ENOX1: variants seen among roughly 807,000 people sequenced by gnomAD.
The protein encoded by ENOX1 is ecto-NOX disulfide-thiol exchanger 1, also known as candidate growth-related and time keeping constitutive hydroquinone (NADH) oxidase.
Under a neutral mutation model 82.5 loss-of-function variants are expected in ENOX1, and 42 were observed. The ratio of observed to expected loss-of-function variants is 0.51; its 90% confidence interval spans 0.40 to 0.66. The LOEUF (loss-of-function observed/expected upper bound fraction) is 0.66. Ranked by LOEUF, ENOX1 falls within the 30% of genes least tolerant of loss-of-function variation. The probability of loss-of-function intolerance (pLI) is 0.00; values close to 1 mark genes in which losing one functional copy is unlikely to be tolerated. For synonymous variants in ENOX1, 271 were observed against 282.2 expected (o/e 0.96, Z 0.40); for missense variants, 608 against 811.6 (o/e 0.75, Z 3.05).
chr13:43,661,233 A>G (rs768922495), intron 2 of ENOX1, among the ~76,000 whole-genome samples: 3 of 152,222 alleles, frequency 2.0e-5, no homozygotes, highest in Non-Finnish European at 4.4e-5. Context: ...GTGCAGTTTT[A>G]AGGACTATAT....
intron 15 of ENOX1, among the ~76,000 whole-genome samples, chr13:43,226,199 A>C (rs2042015642): frequency 6.6e-6 from 1 of 152,240 alleles, no homozygotes; most frequent in Non-Finnish European, 1.5e-5. Context: ...ATAAAAGCTC[A>C]GGAGTGATTT....
intron 1 of ENOX1, among the ~76,000 whole-genome samples, chr13:43,771,100 C>T (rs1951567453): frequency 1.3e-5 from 2 of 152,096 alleles, no homozygotes; most frequent in African/African-American, 4.8e-5. Context: ...AAGTGTCTTT[C>T]CAGAAGAGTG....
chr13:43,713,109 GT>G (rs1401885141), intron 1 of ENOX1, among the ~76,000 whole-genome samples: 1 of 152,142 alleles, frequency 6.6e-6, no homozygotes, highest in African/African-American at 2.4e-5. Flanking sequence ...TTTATTGAGA[GT>G]TTTTAGCATG....
chr13:43,418,983 G>A (rs1332436847), intron 3 of ENOX1, among the ~76,000 whole-genome samples: 1 of 152,114 alleles, frequency 6.6e-6, no homozygotes, highest in Non-Finnish European at 1.5e-5. Flanking sequence ...TTTGAGACCA[G>A]CCTGGCCAAT....
At chr13:43,684,702 T>G (rs1449521874) in intron 1 of ENOX1, among the ~76,000 whole-genome samples, 1 of 152,180 alleles carries the variant, frequency 6.6e-6, no homozygotes, top group African/African-American at 2.4e-5. Flanking sequence ...TGTTTACATT[T>G]ACCACAGAGA....
chr13:43,715,041 G>A (rs909257177), intron 1 of ENOX1, among the ~76,000 whole-genome samples: 2 of 152,164 alleles, frequency 1.3e-5, no homozygotes, highest in African/African-American at 4.8e-5. Flanking sequence ...TTTTGCAGTG[G>A]CTGGTACCGG....
At chr13:43,496,488 C>G (rs2076797881) in intron 2 of ENOX1, among the ~76,000 whole-genome samples, 7 of 151,926 alleles carry the variant, frequency 4.6e-5, no homozygotes, top group Admixed American at 4.6e-4. Flanking sequence ...TGGGTTCAAG[C>G]AATCCTGCCT....
intron 2 of ENOX1, among the ~76,000 whole-genome samples, chr13:43,654,504 T>C (rs1175896522): frequency 6.6e-6 from 1 of 152,228 alleles, no homozygotes; most frequent in African/African-American, 2.4e-5. Context: ...ATTTTCAGTG[T>C]AGAACTAAAA....
chr13:43,699,791 T>C (rs992895238), intron 1 of ENOX1, among the ~76,000 whole-genome samples: 3 of 152,200 alleles, frequency 2.0e-5, no homozygotes, highest in Admixed American at 6.5e-5. Context: ...CAATCACTTA[T>C]TTGGCTTATT....
intron 5 of ENOX1, among the ~76,000 whole-genome samples, chr13:43,364,950 C>T (rs1307826141): frequency 6.6e-6 from 1 of 152,156 alleles, no homozygotes; most frequent in South Asian, 2.1e-4. Flanking sequence ...TGGTGTGCAT[C>T]TGGCAGTGTG....
intron 5 of ENOX1, among the ~76,000 whole-genome samples, chr13:43,393,226 A>C (rs1341752423): frequency 6.6e-6 from 1 of 152,202 alleles, no homozygotes; most frequent in Non-Finnish European, 1.5e-5. Flanking sequence ...ATTCCAAGAA[A>C]CTTAAGTATT....
chr13:43,474,616 C>T (rs2058204546), intron 3 of ENOX1, among the ~76,000 whole-genome samples: 1 of 151,616 alleles, frequency 6.6e-6, no homozygotes, highest in South Asian at 2.1e-4. Flanking sequence ...AACGAAGTTG[C>T]TGATTCCTCT....
chr13:43,265,310 T>G (rs377717546), intron 14 of ENOX1, 88 bp downstream of exon 14: 3 of 1,130,208 alleles, frequency 2.7e-6, no homozygotes, highest in African/African-American at 3.2e-5. Flanking sequence ...GCTTCTGATT[T>G]CCTTTATGTG....
chr13:43,731,913 C>A (rs1359189215), intron 1 of ENOX1, among the ~76,000 whole-genome samples: 2 of 152,154 alleles, frequency 1.3e-5, no homozygotes, highest in East Asian at 3.9e-4. Flanking sequence ...TGCCCCTGGG[C>A]TTGTAATCTA....
intron 3 of ENOX1, among the ~76,000 whole-genome samples, chr13:43,456,245 T>C (rs1463561372): frequency 1.3e-5 from 2 of 152,112 alleles, no homozygotes; most frequent in African/African-American, 2.4e-5. Flanking sequence ...TTCTCTGTTT[T>C]GATCTCTATA....
intron 5 of ENOX1, among the ~76,000 whole-genome samples, chr13:43,364,503 G>A (rs1275287500): frequency 6.6e-6 from 1 of 152,136 alleles, no homozygotes; most frequent in Non-Finnish European, 1.5e-5. Flanking sequence ...CCAAGGCTCG[G>A]CAAAGGTTTC....
intron 2 of ENOX1, chr13:43,547,197 T>C (rs572484785): frequency 3.4e-4 from 52 of 152,334 alleles, no homozygotes; most frequent in African/African-American, 1.2e-3. Flanking sequence ...CTGGGGAAGA[T>C]GGCTCTTGAG....
At chr13:43,568,595 A>G (rs1008636559) in intron 2 of ENOX1, among the ~76,000 whole-genome samples, 1 of 152,140 alleles carries the variant, frequency 6.6e-6, no homozygotes, top group African/African-American at 2.4e-5. Context: ...AGCAATGCAA[A>G]TAAGAAATAA....
At chr13:43,440,742 A>G (rs1054878368) in intron 3 of ENOX1, among the ~76,000 whole-genome samples, 1 of 152,212 alleles carries the variant, frequency 6.6e-6, no homozygotes, top group Non-Finnish European at 1.5e-5. Flanking sequence ...TTATCCAGGT[A>G]AATTTATACA....
Sources: gnomAD v4.1 joint callset for allele counts (sites outside exome capture counted in the v4.1 genomes callset) on GRCh38, gnomAD v4.1.1 for gene constraint, MANE v1.5 for transcripts, NCBI Gene and HGNC (gene_info 2026-07-23, HGNC 2026-07-21) for gene names.